Variants in RIN3 observed in about 807,000 individuals in gnomAD.
RIN3 encodes Ras and Rab interactor 3, also known as RAB5 interacting protein 3.
Under a neutral mutation model 76.3 loss-of-function variants are expected in RIN3, and 54 were observed. The ratio of observed to expected loss-of-function variants is 0.71; its 90% confidence interval spans 0.57 to 0.89. The LOEUF (loss-of-function observed/expected upper bound fraction) is 0.89. Ranked by LOEUF, RIN3 falls within the 40% of genes least tolerant of loss-of-function variation. The probability of loss-of-function intolerance (pLI) is 0.00; values close to 1 mark genes in which losing one functional copy is unlikely to be tolerated. For synonymous variants in RIN3, 576 were observed against 564.0 expected (o/e 1.02, Z -0.30); for missense variants, 1,256 against 1,322.1 (o/e 0.95, Z 0.78).
In RIN3 at chr14:92,601,668, G is replaced by A. The variant is rs934612569; in HGVS notation, c.368-13739G>A. On this transcript the variant is annotated intron_variant, in intron 3 of 9. Coordinates refer to ENST00000216487, the MANE Select transcript of RIN3 (RefSeq NM_024832.5). ...GTCAAAGACATCTCCCCGGCCCTGC[G>A]GCGTGAGCAGGAAGCAGGTGGGATT... Among the ~76,000 whole-genome samples the A allele has an allele frequency of 9.9e-5, 15 of 152,106 alleles. 1 individual carries two copies. The South Asian group carries it at 1.2e-3, about 13-fold the overall frequency.
At chr14:92,542,833 C>T (rs184275117) in intron 1 of RIN3, among the ~76,000 whole-genome samples, 103 of 152,264 alleles carry the variant, frequency 6.8e-4, no homozygotes, top group African/African-American at 2.3e-3. Context: ...AAGCCAGACA[C>T]AAAGGACCAC....
At position 92,656,103 on chromosome 14, in the gene RIN3, A is replaced by G. The variant is rs1463620580; in HGVS notation, c.2026+3028A>G. ...GGGAGGACGTGGAAGGACATGGAAA[A>G]CTCCAAGTGGCCCAGAGGAAACTGT... On this transcript the variant is annotated intron_variant, in intron 6 of 9. Transcript: ENST00000216487. The surrounding 1 kb of genome is among the most constrained non-coding windows in gnomAD (Gnocchi z 5.2). 6.6e-6 allele frequency among the ~76,000 whole-genome samples: 1 copy of G among 151,850 alleles called. No homozygotes were observed. Among genetic ancestry groups the G allele is most frequent in the Non-Finnish European group, 1.5e-5 (1 of 67,968 alleles).
intron 4 of RIN3, among the ~76,000 whole-genome samples, chr14:92,624,744 G>A (rs1886292392): frequency 6.6e-6 from 1 of 152,190 alleles, no homozygotes; most frequent in African/African-American, 2.4e-5. Flanking sequence ...AGAGCACAAG[G>A]AAAGAAGAAG....
At chr14:92,592,503 A>T (rs955583492) in intron 3 of RIN3, among the ~76,000 whole-genome samples, 1 of 151,758 alleles carries the variant, frequency 6.6e-6, no homozygotes, top group Non-Finnish European at 1.5e-5. Flanking sequence ...TGAGTCTCTG[A>T]TAAAAAATGG....
intron 1 of RIN3, among the ~76,000 whole-genome samples, chr14:92,529,279 C>T (rs1280847797): frequency 3.4e-5 from 5 of 148,904 alleles, no homozygotes; most frequent in African/African-American, 9.9e-5. Flanking sequence ...GATGGAGTCT[C>T]GCACTGTCAC....
Position 92,652,795 on chromosome 14 carries a change from G to T in RIN3, c.1746G>T (p.Leu582=). 1.9e-6 allele frequency: 3 copies of T among 1,614,040 alleles called. No individual in the cohort carries two copies. Among genetic ancestry groups the T allele is most frequent in the Non-Finnish European group, 2.5e-6 (3 of 1,180,030 alleles). ...SMILGKARHR[L]SFASFSSMFH... ...TCCTGGGCAAGGCTCGGCACCGGCT[G>T]AGCTTTGCCAGTTTCAGCAGCATGT... Residue 582 remains leucine (L), a synonymous_variant, in exon 6 of 10, where the codon CTG becomes CTT. Coordinates refer to ENST00000216487, the MANE Select transcript of RIN3 (RefSeq NM_024832.5). This position sits in a 1 kb window ranked among gnomAD's most constrained non-coding sequence, Gnocchi z 6.4.
At position 92,551,556 on chromosome 14, in the gene RIN3, C is replaced by T. The variant is rs756861308; in HGVS notation, c.45-4195C>T. ...TGTCTAAAGTGCTCGTTCCAATGTT[C>T]GTTCTCCCCAAGAGTACACTAGCAT... On this transcript the variant is annotated intron_variant, in intron 1 of 9. Coordinates refer to ENST00000216487, the MANE Select transcript of RIN3 (RefSeq NM_024832.5). 8.5e-5 allele frequency among the ~76,000 whole-genome samples: 13 copies of T among 152,176 alleles called. No homozygotes were observed. In the East Asian group the frequency reaches 1.3e-3, roughly 16 times the overall value.
intron 4 of RIN3, among the ~76,000 whole-genome samples, chr14:92,627,054 G>T (rs1389749171): frequency 6.6e-6 from 1 of 152,140 alleles, no homozygotes; most frequent in African/African-American, 2.4e-5. Context: ...GCTTTTTCTT[G>T]TGCCTATTCC....
intron 1 of RIN3, among the ~76,000 whole-genome samples, chr14:92,549,753 G>C (rs928806677): frequency 4.6e-5 from 7 of 152,262 alleles, no homozygotes; most frequent in Non-Finnish European, 2.9e-5. Context: ...GGGCGTTCTG[G>C]GTGGGTGTCC....
chr14:92,688,295 G>A lies in RIN3; in HGVS notation c.*43G>A, dbSNP rs1475831892. On this transcript the variant is annotated 3_prime_UTR_variant, in exon 10 of 10. Transcript: ENST00000216487. The stretch of plus-strand genomic sequence containing the variant: ...TCCCCTCACCCCCAGGCGCACGTCT[G>A]GCCCCGCCTCTGGCTGCGCACTCCC... 6.8e-7 allele frequency: 1 copy of A among 1,473,672 alleles called. No individual in the cohort carries two copies. The highest frequency in any genetic ancestry group is 9.0e-7 in the Non-Finnish European group (1 of 1,110,932). 91.3% of individuals were successfully genotyped at this position (1,473,672 alleles called of 1,614,324 possible).
At chr14:92,560,883 G>A (rs1017940538) in intron 2 of RIN3, among the ~76,000 whole-genome samples, 3 of 150,512 alleles carry the variant, frequency 2.0e-5, no homozygotes, top group Middle Eastern at 3.4e-3. Context: ...AGCCAGGCTT[G>A]GTGGTGGGCG....
chr14:92,628,912 G>C (rs1886454479), intron 4 of RIN3, among the ~76,000 whole-genome samples: 1 of 151,998 alleles, frequency 6.6e-6, no homozygotes. Flanking sequence ...CTTCCAAGGA[G>C]CTACTGGGAA....
At chr14:92,547,016 T>TTA (rs1897282719) in intron 1 of RIN3, among the ~76,000 whole-genome samples, 1 of 142,820 alleles carries the variant, frequency 7.0e-6, no homozygotes. Context: ...TATTTTATTA[T>TTA]TAATATAATT....
At chr14:92,520,312 C>T (rs919729228) in intron 1 of RIN3, among the ~76,000 whole-genome samples, 1 of 152,066 alleles carries the variant, frequency 6.6e-6, no homozygotes, top group Non-Finnish European at 1.5e-5. Context: ...GAGAGAGCCC[C>T]AGAGCCTGGC....
intron 1 of RIN3, among the ~76,000 whole-genome samples, chr14:92,552,525 G>T (rs1163310413): frequency 6.6e-6 from 1 of 152,090 alleles, no homozygotes; most frequent in African/African-American, 2.4e-5. Flanking sequence ...ATGCTCATGG[G>T]GCCCTCCCCC....
intron 3 of RIN3, among the ~76,000 whole-genome samples, chr14:92,583,132 C>T (rs771136822): frequency 5.9e-5 from 9 of 152,086 alleles, no homozygotes; most frequent in East Asian, 3.9e-4. Flanking sequence ...ACTGTGGCCA[C>T]GGTGACTGCA....
At chr14:92,612,481 C>T (rs78654110) in intron 3 of RIN3, among the ~76,000 whole-genome samples, 51 of 152,332 alleles carry the variant, frequency 3.3e-4, no homozygotes, top group African/African-American at 1.1e-3. Flanking sequence ...GGTAAGAGGT[C>T]CAAGACCCTG....
chr14:92,539,352 C>T (rs1897080686), intron 1 of RIN3, among the ~76,000 whole-genome samples: 1 of 152,206 alleles, frequency 6.6e-6, no homozygotes, highest in Non-Finnish European at 1.5e-5. Context: ...GCTTGCTGGA[C>T]TCTGGGCACT....
Position 92,652,397 on chromosome 14 carries a change from C to A in RIN3, c.1348C>A (p.Pro450Thr). Reference protein sequence around the residue: ...ASDPHSMPELPRTAKQPPVPP... With the variant: ...ASDPHSMPELTRTAKQPPVPP... ...CGATCCTCACAGCATGCCAGAGCTG[C>A]CCAGGACAGCCAAACAACCCCCAGT... Residue 450 changes from proline to threonine, a missense_variant, in exon 6 of 10, where the codon CCC becomes ACC. Coordinates refer to ENST00000216487, the MANE Select transcript of RIN3 (RefSeq NM_024832.5). The surrounding 1 kb of genome is among the most constrained non-coding windows in gnomAD (Gnocchi z 6.4). 6.2e-7 allele frequency: 1 copy of A among 1,612,726 alleles called. No individual in the cohort carries two copies. Among genetic ancestry groups the A allele is most frequent in the Non-Finnish European group, 8.5e-7 (1 of 1,179,338 alleles).
Sources: allele counts gnomAD v4.1 joint callset (sites outside exome capture counted in the v4.1 genomes callset), GRCh38; gene constraint gnomAD v4.1.1; non-coding constraint Gnocchi (gnomAD v3.1); transcripts MANE v1.5; gene names NCBI Gene and HGNC (gene_info 2026-07-23, HGNC 2026-07-21).